Variants in AADACL4 observed in about 807,000 individuals in gnomAD.
The protein encoded by AADACL4 is arylacetamide deacetylase-like 4.
Under a neutral mutation model 14.1 loss-of-function variants are expected in AADACL4, and 9 were observed. The observed-to-expected ratio is 0.64, with a 90% CI of 0.39 to 1.12. The LOEUF (loss-of-function observed/expected upper bound fraction) is 1.12. Among genes scored for constraint, AADACL4 ranks in the 50% most tolerant of loss-of-function variants. AADACL4 has a pLI of 0.01. For missense variants in AADACL4, 531 were observed against 516.1 expected (o/e 1.03, Z -0.28); for synonymous variants, 188 against 201.6 (o/e 0.93, Z 0.57).
intron 3 of AADACL4, 108 bp downstream of exon 3, chr1:12,661,962 T>C: frequency 8.2e-7 from 1 of 1,225,856 alleles, no homozygotes; most frequent in Admixed American, 1.8e-5. Context: ...GAGGCAACTC[T>C]TGGACATGCA....
intron 2 of AADACL4, among the ~76,000 whole-genome samples, chr1:12,659,426 T>C (rs1035959470): frequency 1.3e-5 from 2 of 152,076 alleles, no homozygotes; most frequent in Non-Finnish European, 2.9e-5. Flanking sequence ...GCCTTCTAGG[T>C]GAGGGCCGGG....
At chr1:12,652,252 C>T (rs139782269) in intron 2 of AADACL4, among the ~76,000 whole-genome samples, 53 of 152,274 alleles carry the variant, frequency 3.5e-4, no homozygotes, top group African/African-American at 1.2e-3. Context: ...GTCCTTTACC[C>T]GTTCACTCAG....
At chr1:12,657,166 TCAAA>T (rs1647182469) in intron 2 of AADACL4, among the ~76,000 whole-genome samples, 2 of 104,626 alleles carry the variant, frequency 1.9e-5, no homozygotes, top group African/African-American at 4.2e-5. Flanking sequence ...AAAAAAAAAA[TCAAA>T]CAAACAAAAC....
chr1:12,647,866 T>G (rs1418614147), intron 1 of AADACL4, among the ~76,000 whole-genome samples: 1 of 152,000 alleles, frequency 6.6e-6, no homozygotes, highest in African/African-American at 2.4e-5. Context: ...CCATGTTGCC[T>G]AGGCTGGTCT....
In AADACL4 at chr1:12,666,570, C is replaced by A; in HGVS notation, c.1059C>A (p.Ser353Arg). ...SCENDILRDD[S>R]LLYKKRLEDQ... ...AGAATGACATACTCCGTGATGACAG[C>A]TTGCTCTATAAGAAGCGCTTGGAGG... The change falls in exon 4 of 4, where the codon AGC becomes AGA. Residue 353 changes from serine (S) to arginine (R), a missense_variant. Coordinates refer to ENST00000376221, the MANE Select transcript of AADACL4 (RefSeq NM_001013630.2). 1 of 1,614,250 alleles carries A rather than the reference C, an allele frequency of 6.2e-7. No individual in the cohort carries two copies. The highest frequency in any genetic ancestry group is 8.5e-7 in the Non-Finnish European group (1 of 1,180,050).
At chr1:12,646,736 C>T (rs1256443058) in intron 1 of AADACL4, among the ~76,000 whole-genome samples, 1 of 152,216 alleles carries the variant, frequency 6.6e-6, no homozygotes, top group Non-Finnish European at 1.5e-5. Context: ...ATGGGCTGTT[C>T]ACAGGGGACT....
intron 3 of AADACL4, among the ~76,000 whole-genome samples, chr1:12,662,851 C>A (rs1365016854): frequency 6.6e-6 from 1 of 152,186 alleles, no homozygotes; most frequent in Non-Finnish European, 1.5e-5. Flanking sequence ...AGGTGGCTTA[C>A]CATTGTGTCT....
rs777211523 is a variant in AADACL4, at chr1:12,644,564, A to G, written c.18A>G (p.Leu6=). ...CCAGGAACATGGCTGTCCCCTGGCT[A>G]GTGCTACTCTTGGCATTGCCCATCT... MAVPW[L]VLLLALPIFF... Residue 6 remains leucine, a synonymous_variant, in exon 1 of 4, where the codon CTA becomes CTG. Transcript: ENST00000376221. 16 of 1,613,954 alleles carry G rather than the reference A, an allele frequency of 9.9e-6. No individual in the cohort carries two copies. In the Middle Eastern group the frequency reaches 4.9e-4, roughly 50 times the overall value.
Position 12,644,298 on chromosome 1 carries a change from A to G in AADACL4, c.-249A>G, listed in dbSNP as rs1314093712. ...AAATCTTTGGGAAGCTCACCTTCCA[A>G]GACTCCCCATGATGAGCAGTATTGA... On this transcript the variant is annotated 5_prime_UTR_variant, in exon 1 of 4. Coordinates refer to ENST00000376221, the MANE Select transcript of AADACL4 (RefSeq NM_001013630.2). Among the ~76,000 whole-genome samples, 1 of 152,188 alleles carries G rather than the reference A, an allele frequency of 6.6e-6. No individual in the cohort carries two copies. The highest frequency in any genetic ancestry group is 1.5e-5 in the Non-Finnish European group (1 of 68,030).
chr1:12,651,168 A>G lies in AADACL4; in HGVS notation c.214A>G (p.Ile72Val), dbSNP rs753540436. 1.9e-5 allele frequency: 30 copies of G among 1,614,094 alleles called. No homozygotes were observed. Among genetic ancestry groups the G allele is most frequent in the Admixed American group, 1.5e-4 (9 of 60,004 alleles). ...GGGAATTTGCTCCATGCCCAAATTT[A>G]TTCGTTTTTTACATGATAGCGTGAG... ...KLGICSMPKFIRFLHDSVRIK... is the reference protein window; with the variant it reads ...KLGICSMPKFVRFLHDSVRIK... Residue 72 changes from isoleucine (I) to valine (V), a missense_variant, in exon 2 of 4, where the codon ATT (isoleucine) becomes GTT (valine). By Grantham distance (29) the Ile-to-Val change is conservative. Transcript: ENST00000376221.
At position 12,644,401 on chromosome 1, in the gene AADACL4, GCTGTGTCAGGCCA is replaced by G. The variant is rs1010704060; in HGVS notation, c.-135_-123del. The G allele has an allele frequency of 2.3e-6, 2 of 870,578 alleles. No individual in the cohort carries two copies. Among genetic ancestry groups the G allele is most frequent in the African/African-American group, 3.4e-5 (2 of 59,522 alleles). 53.9% of individuals were successfully genotyped at this position (870,578 alleles called of 1,614,324 possible). ...GGCCTTTTTGTGCTTACCCTGAGAAGCTGTGTCAGGCCACTGTGTCAGGTGTCAGGCTTAGCCC... is the reference window on the plus strand; with the variant it reads ...GGCCTTTTTGTGCTTACCCTGAGAAGCTGTGTCAGGTGTCAGGCTTAGCCC... On this transcript the variant is annotated 5_prime_UTR_variant, in exon 1 of 4. Coordinates refer to ENST00000376221, the MANE Select transcript of AADACL4 (RefSeq NM_001013630.2).
intron 2 of AADACL4, among the ~76,000 whole-genome samples, chr1:12,660,506 A>G (rs189887574): frequency 9.7e-4 from 148 of 152,220 alleles, no homozygotes; most frequent in Admixed American, 1.8e-3. Flanking sequence ...TCTGGGTTAC[A>G]TCGGGAAGAT....
intron 3 of AADACL4, among the ~76,000 whole-genome samples, chr1:12,664,404 T>C (rs1647278784): frequency 6.6e-6 from 1 of 151,924 alleles, no homozygotes; most frequent in African/African-American, 2.4e-5. Context: ...AGTCTCACTC[T>C]CTCCCAGGCT....
In AADACL4 at chr1:12,644,681, C is replaced by T; in HGVS notation, c.135C>T (p.Phe45=). 6.2e-7 allele frequency: 1 copy of T among 1,614,108 alleles called. No homozygotes were observed. The highest frequency in any genetic ancestry group is 1.1e-5 in the South Asian group (1 of 91,084). The change falls in exon 1 of 4, where the codon TTC becomes TTT. Residue 45 remains phenylalanine, a synonymous_variant. Coordinates refer to ENST00000376221, the MANE Select transcript of AADACL4 (RefSeq NM_001013630.2). ...ATLQHPAKLR[F]LHCIFLYLVT... The stretch of plus-strand genomic sequence containing the variant: ...TGCAGCATCCTGCCAAGTTGAGATT[C>T]CTGCATTGCATATTCCTCTACCTGG...
At chr1:12,657,828 C>T (rs867838772) in intron 2 of AADACL4, among the ~76,000 whole-genome samples, 1 of 152,120 alleles carries the variant, frequency 6.6e-6, no homozygotes, top group African/African-American at 2.4e-5. Flanking sequence ...CTAGGAGAGA[C>T]TCAGGTCAAA....
chr1:12,647,528 T>G (rs941874959), intron 1 of AADACL4, among the ~76,000 whole-genome samples: 2 of 152,214 alleles, frequency 1.3e-5, no homozygotes, highest in African/African-American at 4.8e-5. Flanking sequence ...ATCAAGTCCC[T>G]GAAGGCAAAG....
chr1:12,651,218 G>T lies in AADACL4; in HGVS notation c.264G>T (p.Val88=). The change falls in exon 2 of 4, where the codon GTG becomes GTT. Residue 88 remains valine (V), a synonymous_variant. Coordinates refer to ENST00000376221, the MANE Select transcript of AADACL4 (RefSeq NM_001013630.2). ...SVRIKKDPEL[V]VTDLRFGTIP... ...GAATTAAAAAGGACCCTGAACTTGT[G>T]GTGACCGACCTGCGTTTTGGGACGA... The T allele has an allele frequency of 6.2e-7, 1 of 1,614,214 alleles. No homozygotes were observed. The highest frequency in any genetic ancestry group is 1.1e-5 in the South Asian group (1 of 91,086).
intron 2 of AADACL4, among the ~76,000 whole-genome samples, chr1:12,658,160 CTTTCTT>C (rs1425304508): frequency 7.7e-6 from 1 of 129,882 alleles, no homozygotes; most frequent in African/African-American, 3.6e-5. Context: ...TTCTTTCTTT[CTTTCTT>C]TTTCTCTTTC....
At chr1:12,658,790 G>A (rs1477312805) in intron 2 of AADACL4, among the ~76,000 whole-genome samples, 2 of 149,362 alleles carry the variant, frequency 1.3e-5, no homozygotes, top group Non-Finnish European at 3.0e-5. Context: ...CCTGCACCCT[G>A]GTCTCCACCC....
Sources: gnomAD v4.1 joint callset for allele counts (sites outside exome capture counted in the v4.1 genomes callset) on GRCh38, gnomAD v4.1.1 for gene constraint, MANE v1.5 for transcripts, NCBI Gene and HGNC (gene_info 2026-07-23, HGNC 2026-07-21) for gene names.